The following EIF3F variants were observed in gnomAD, a reference collection of about 807,000 sequenced individuals.
EIF3F encodes deubiquitinating enzyme eIF3f.
A neutral mutation model predicts 36.0 loss-of-function variants in EIF3F; 8 were observed. That is an observed-to-expected ratio of 0.22 (90% CI 0.13 to 0.40). The LOEUF (loss-of-function observed/expected upper bound fraction) is 0.40, where lower values mean the gene tolerates loss of function less well. Among genes scored for constraint, EIF3F ranks in the 10% least tolerant of loss-of-function variants. EIF3F has a pLI of 1.00. For synonymous variants in EIF3F, 184 were observed against 188.5 expected (o/e 0.98, Z 0.19); for missense variants, 430 against 467.6 (o/e 0.92, Z 0.74).
chr11:7,988,806 CTT>C (rs1254118378), intron 1 of EIF3F, among the ~76,000 whole-genome samples: 1 of 152,218 alleles, frequency 6.6e-6, no homozygotes, highest in Non-Finnish European at 1.5e-5. Context: ...CTACTTTAGA[CTT>C]AGTCTTTGTG....
rs754416494 is a variant in EIF3F, at chr11:7,987,681, A to G, written c.329A>G (p.Asn110Ser). 6.6e-6 allele frequency: 10 copies of G among 1,516,380 alleles called. No individual in the cohort carries two copies. The highest frequency in any genetic ancestry group is 1.4e-5 in the African/African-American group (1 of 70,394). 93.9% of individuals were successfully genotyped at this position (1,516,380 alleles called of 1,614,324 possible). The change falls in exon 1 of 8, where the codon AAC becomes AGC. Residue 110 changes from asparagine (N) to serine (S), a missense_variant. Coordinates refer to ENST00000651655, the MANE Select transcript of EIF3F (RefSeq NM_003754.3). ...ATTGTGGACAGCTACGAGAGACGCA[A>G]CGAGGGTGCTGCCCGAGTTATCGGG... Reference protein sequence around the residue: ...ASIVDSYERRNEGAARVIGTL... With the variant: ...ASIVDSYERRSEGAARVIGTL...
chr11:7,991,584 A>G (rs2133669723), intron 1 of EIF3F, among the ~76,000 whole-genome samples, 197 bp from the exon 2 acceptor site: 1 of 152,264 alleles, frequency 6.6e-6, no homozygotes, highest in African/African-American at 2.4e-5. Flanking sequence ...TTAGAGGGAG[A>G]AGTTGGCGAT....
intron 2 of EIF3F, 110 bp downstream of exon 2, chr11:7,991,961 T>G: frequency 1.3e-6 from 2 of 1,497,834 alleles, no homozygotes; most frequent in Non-Finnish European, 9.3e-7. Flanking sequence ...CCAAGGAGCT[T>G]CTTCCCATTT....
Position 8,001,573 on chromosome 11 carries a change from A to G in EIF3F, c.*5551A>G, listed in dbSNP as rs889503456. 2.6e-5 allele frequency: 4 copies of G among 152,326 alleles called. No individual in the cohort carries two copies. The highest frequency in any genetic ancestry group is 1.9e-4 in the East Asian group (1 of 5,188). The allele number at this position is 152,326 out of a possible 1,614,324, so 9.4% of individuals were successfully genotyped here. ...GTTAAGCAGAATGAGACAGTCCTCTATATATCAATATGGATAAAGAGTAAG... is the reference window on the plus strand; with the variant it reads ...GTTAAGCAGAATGAGACAGTCCTCTGTATATCAATATGGATAAAGAGTAAG... On this transcript the variant is annotated 3_prime_UTR_variant, in exon 8 of 8. Coordinates refer to ENST00000651655, the MANE Select transcript of EIF3F (RefSeq NM_003754.3).
Position 7,993,078 on chromosome 11 carries a change from TCCCCCA to T in EIF3F, c.653+59_653+64del. On this transcript the variant is annotated intron_variant, in intron 4 of 7. Transcript: ENST00000651655. ...TAAAACCATGCCCAGATGCCATCCC[TCCCCCA>T]CCCCAAGCAAGGTTAATTCCTTCCA... 2.0e-6 allele frequency: 3 copies of T among 1,501,670 alleles called. No homozygotes were observed. In the Admixed American group the frequency reaches 6.9e-5, roughly 35 times the overall value. The allele number at this position is 1,501,670 out of a possible 1,614,324, so 93.0% of individuals were successfully genotyped here.
At position 7,994,526 on chromosome 11, in the gene EIF3F, C is replaced by G. The variant is rs1942139728; in HGVS notation, c.745+9C>G. 2 of 1,611,768 alleles carry G rather than the reference C, an allele frequency of 1.2e-6. No homozygotes were observed. Among genetic ancestry groups the G allele is most frequent in the Non-Finnish European group, 8.5e-7 (1 of 1,178,850 alleles). ...CACTGAACGCATCGGAGGTGAGTAA[C>G]CTTTCCATACACTCGCGAGAGGCCA... On this transcript the variant is annotated intron_variant, in intron 5 of 7. Transcript: ENST00000651655.
chr11:7,988,190 C>T (rs1018950480), intron 1 of EIF3F, among the ~76,000 whole-genome samples: 11 of 152,308 alleles, frequency 7.2e-5, no homozygotes, highest in South Asian at 2.1e-4. Flanking sequence ...ACAAAGTTTT[C>T]TAACCAGTTG....
chr11:7,987,740 A>G (rs200483704), intron 1 of EIF3F, 24 bp downstream of exon 1: 25 of 1,479,740 alleles, frequency 1.7e-5, no homozygotes, highest in Non-Finnish European at 2.2e-5. Flanking sequence ...GAAAGTTAAC[A>G]TTCTTTTCTT....
intron 1 of EIF3F, among the ~76,000 whole-genome samples, chr11:7,990,034 G>A (rs922547638): frequency 5.3e-5 from 8 of 152,222 alleles, no homozygotes; most frequent in African/African-American, 1.9e-4. Flanking sequence ...ACACTGAATA[G>A]GAATTAAAAA....
At position 7,999,512 on chromosome 11, in the gene EIF3F, A is replaced by T. The variant is rs1024552636; in HGVS notation, c.*3490A>T. 1 of 152,268 alleles carries T rather than the reference A, an allele frequency of 6.6e-6. No homozygotes were observed. The highest frequency in any genetic ancestry group is 2.1e-4 in the South Asian group (1 of 4,832). The allele number at this position is 152,268 out of a possible 1,614,324, so 9.4% of individuals were successfully genotyped here. On this transcript the variant is annotated 3_prime_UTR_variant, in exon 8 of 8. Coordinates refer to ENST00000651655, the MANE Select transcript of EIF3F (RefSeq NM_003754.3). The stretch of plus-strand genomic sequence containing the variant: ...TTGGAACTGGGCAAGCTGTTTCTAA[A>T]TGTATATGGAAAAATAAAAATGTCT...
Position 7,995,346 on chromosome 11 carries a change from C to G in EIF3F, c.975C>G (p.Thr325=). Residue 325 remains threonine, a synonymous_variant, in exon 7 of 8, where the codon ACC becomes ACG. Transcript: ENST00000651655. The part of the protein sequence containing the change: ...VPKIVPDDFE[T]MLNSNINDLL... The stretch of plus-strand genomic sequence containing the variant: ...AAATAGTTCCCGATGACTTTGAGAC[C>G]ATGCTCAACAGCAACATCAATGTGA... 6.2e-7 allele frequency: 1 copy of G among 1,614,048 alleles called. No individual in the cohort carries two copies. The highest frequency in any genetic ancestry group is 1.7e-5 in the Admixed American group (1 of 60,026).
intron 2 of EIF3F, 80 bp downstream of exon 2, chr11:7,991,931 C>A: frequency 6.4e-7 from 1 of 1,552,948 alleles, no homozygotes; most frequent in South Asian, 1.1e-5. Flanking sequence ...CTCCCACACT[C>A]ATAACTAGAG....
rs143159337 is a variant in EIF3F at position 8,001,274 on chromosome 11, G to A, written c.*5252G>A. ...AGGAAACGTGACACAGGCACAGATT[G>A]CTGGTAGACATATAAGTTGGTACAG... On this transcript the variant is annotated 3_prime_UTR_variant, in exon 8 of 8. Coordinates refer to ENST00000651655, the MANE Select transcript of EIF3F (RefSeq NM_003754.3). The A allele has an allele frequency of 4.6e-5, 7 of 152,338 alleles. No individual in the cohort carries two copies. The highest frequency in any genetic ancestry group is 1.7e-4 in the African/African-American group (7 of 41,576). 9.4% of individuals were successfully genotyped at this position (152,338 alleles called of 1,614,324 possible). A position where few individuals can be genotyped will look rare whatever the true frequency, so the allele number is the denominator to read the frequency against.
At chr11:7,994,628 A>G (rs1450560228) in intron 5 of EIF3F, 111 bp downstream of exon 5, 1 of 993,546 alleles carries the variant, frequency 1.0e-6, no homozygotes, top group East Asian at 2.6e-5. Context: ...GGGACTATTG[A>G]TCTAAGGTTT....
intron 6 of EIF3F, 49 bp from the exon 7 acceptor site, chr11:7,995,205 T>C (rs1401551798): frequency 1.7e-5 from 27 of 1,606,082 alleles, no homozygotes; most frequent in Non-Finnish European, 2.1e-5. Flanking sequence ...ATGGTAGGGC[T>C]CAGTGGTTAT....
intron 1 of EIF3F, 110 bp downstream of exon 1, chr11:7,987,826 C>T: frequency 7.3e-7 from 1 of 1,367,960 alleles, no homozygotes; most frequent in Non-Finnish European, 9.5e-7. Flanking sequence ...TCCTTTCCTC[C>T]CATCCCCAAT....
chr11:7,989,268 C>G (rs1241268876), intron 1 of EIF3F, among the ~76,000 whole-genome samples: 1 of 152,212 alleles, frequency 6.6e-6, no homozygotes, highest in Non-Finnish European at 1.5e-5. Context: ...GCTGCACTTT[C>G]TAATTTTCCA....
rs2133677373 is a variant in EIF3F at position 7,998,711 on chromosome 11, T to C, written c.*2689T>C. On this transcript the variant is annotated 3_prime_UTR_variant, in exon 8 of 8. Coordinates refer to ENST00000651655, the MANE Select transcript of EIF3F (RefSeq NM_003754.3). ...GACTATTATGTGTGTGTATATTATATATATGATAAAAAACAAAAGAATGAT... is the reference window on the plus strand; with the variant it reads ...GACTATTATGTGTGTGTATATTATACATATGATAAAAAACAAAAGAATGAT... 6.6e-6 allele frequency: 1 copy of C among 152,290 alleles called. No individual in the cohort carries two copies. The highest frequency in any genetic ancestry group is 1.9e-4 in the East Asian group (1 of 5,178). 9.4% of individuals were successfully genotyped at this position (152,290 alleles called of 1,614,324 possible).
intron 4 of EIF3F, 141 bp downstream of exon 4, chr11:7,993,165 A>G (rs1942117397): frequency 1.0e-6 from 1 of 1,000,882 alleles, no homozygotes; most frequent in South Asian, 2.1e-5. Flanking sequence ...CAGTTATTCT[A>G]AAGGTTTCAC....
Sources: allele counts gnomAD v4.1 joint callset (sites outside exome capture counted in the v4.1 genomes callset), GRCh38; gene constraint gnomAD v4.1.1; transcripts MANE v1.5; gene names NCBI Gene and HGNC (gene_info 2026-07-23, HGNC 2026-07-21).